RASGEF1A: variants seen among roughly 807,000 people sequenced by gnomAD.
RASGEF1A encodes the protein ras-GEF domain-containing family member 1A.
Under a neutral mutation model 56.4 loss-of-function variants are expected in RASGEF1A, and 18 were observed. The ratio of observed to expected loss-of-function variants is 0.32; its 90% CI spans 0.22 to 0.47. The LOEUF (loss-of-function observed/expected upper bound fraction) is 0.47. Ranked by LOEUF, RASGEF1A falls within the 20% of genes least tolerant of loss-of-function variation. The pLI, the probability that RASGEF1A is intolerant of heterozygous loss-of-function variation, is 1.00. For missense variants in RASGEF1A, 422 were observed against 627.1 expected, an observed-to-expected ratio of 0.67 and a Z score of 3.49; for synonymous variants, 245 against 242.6, an observed-to-expected ratio of 1.01 and a Z score of -0.09.
In RASGEF1A at chr10:43,199,690, T is replaced by C. The variant is rs1839862380; in HGVS notation, c.835A>G (p.Thr279Ala). 1 of 1,613,376 alleles carries C rather than the reference T, an allele frequency of 6.2e-7. No individual in the cohort carries two copies. Among genetic ancestry groups the C allele is most frequent in the African/African-American group, 1.3e-5 (1 of 74,936 alleles). Reference protein sequence around the residue: ...WFNCLSMLVATEVCRVVKKKH... With the variant: ...WFNCLSMLVAAEVCRVVKKKH... ...TGGGCACTTACCCGGCACACCTCAG[T>C]GGCCACCAGCATGCTCAGGCAGTTG... is the stretch of plus-strand genomic sequence containing the variant. Residue 279 changes from threonine (T) to alanine (A), a missense_variant, in exon 7 of 13, where the codon ACT (threonine) becomes GCT (alanine). Coordinates refer to ENST00000395810, the MANE Select transcript of RASGEF1A (RefSeq NM_145313.4).
intron 1 of RASGEF1A, among the ~76,000 whole-genome samples, chr10:43,221,716 C>A (rs1232793129): frequency 6.6e-6 from 1 of 152,226 alleles, no homozygotes; most frequent in Non-Finnish European, 1.5e-5. Context: ...GTCCAAGGGG[C>A]CCGTGCTGCA....
chr10:43,230,137 G>A (rs1157750702), intron 1 of RASGEF1A, among the ~76,000 whole-genome samples: 1 of 152,306 alleles, frequency 6.6e-6, no homozygotes, highest in East Asian at 1.9e-4. Context: ...CCCGGCCCCG[G>A]CCTCACCTGA....
At chr10:43,233,777 C>T (rs1564538580) in intron 1 of RASGEF1A, among the ~76,000 whole-genome samples, 1 of 152,202 alleles carries the variant, frequency 6.6e-6, no homozygotes, top group Non-Finnish European at 1.5e-5. Context: ...TGTGCAGAAA[C>T]ACTAGAGACT....
chr10:43,262,918 G>C (rs2133233132), intron 1 of RASGEF1A, among the ~76,000 whole-genome samples: 1 of 152,366 alleles, frequency 6.6e-6, no homozygotes, highest in Admixed American at 6.5e-5. Context: ...AGAGTGGGGT[G>C]TGCTAGACTG....
chr10:43,210,866 G>GT (rs1238549485), intron 1 of RASGEF1A, among the ~76,000 whole-genome samples: 2 of 150,594 alleles, frequency 1.3e-5, no homozygotes, highest in African/African-American at 2.5e-5. Flanking sequence ...CTTGCAGGGA[G>GT]TGGGGGACAG....
At chr10:43,209,522 G>A (rs865925446) in intron 1 of RASGEF1A, among the ~76,000 whole-genome samples, 1 of 152,192 alleles carries the variant, frequency 6.6e-6, no homozygotes, top group African/African-American at 2.4e-5. Context: ...AAGATCAGAG[G>A]AGCCCCTGTG....
chr10:43,222,480 A>T (rs997217779), intron 1 of RASGEF1A, among the ~76,000 whole-genome samples: 1 of 152,184 alleles, frequency 6.6e-6, no homozygotes, highest in African/African-American at 2.4e-5. Flanking sequence ...AGTCAGTCAC[A>T]CCCACATAAT....
chr10:43,199,536 A>G (rs1419916381), intron 7 of RASGEF1A, 140 bp downstream of exon 7: 4 of 698,274 alleles, frequency 5.7e-6, no homozygotes, highest in Admixed American at 2.1e-5. Context: ...GGGTTGGGGG[A>G]CCACCAAGGC....
At chr10:43,238,887 T>C (rs183362522) in intron 1 of RASGEF1A, among the ~76,000 whole-genome samples, 2 of 152,342 alleles carry the variant, frequency 1.3e-5, no homozygotes, top group African/African-American at 4.8e-5. Flanking sequence ...AACCCACGAA[T>C]ACACAAGTCT....
Position 43,200,819 on chromosome 10 carries a change from T to C in RASGEF1A, c.529A>G (p.Ser177Gly). 1 of 1,613,924 alleles carries C rather than the reference T, an allele frequency of 6.2e-7. No individual in the cohort carries two copies. The change falls in exon 5 of 13, where the codon AGC (serine) becomes GGC (glycine). Residue 177 changes from serine to glycine, a missense_variant. Around this residue, in one of 2 missense-constraint regions of RASGEF1A, gnomAD observed 273 missense variants for 339.9 expected, o/e 0.80. Transcript: ENST00000395810. The part of the protein sequence containing the change: ...QSLLLSLAAR[S>G]QLQELREKLR... ...TTCTCTCGCAGTTCCTGGAGCTGGC[T>C]CCGGGCAGCCAAGGACAGCAACAGG...
chr10:43,254,356 C>G (rs1020127451), intron 1 of RASGEF1A, among the ~76,000 whole-genome samples: 3 of 152,206 alleles, frequency 2.0e-5, no homozygotes, highest in African/African-American at 7.2e-5. Context: ...CCCCTTAGAT[C>G]TGTGTGGTGG....
chr10:43,250,524 G>T (rs925550724), intron 1 of RASGEF1A, among the ~76,000 whole-genome samples: 1 of 152,226 alleles, frequency 6.6e-6, no homozygotes, highest in Admixed American at 6.5e-5. Context: ...CCCCCAGGCC[G>T]AGTGAATCAG....
chr10:43,221,341 A>ATCAG (rs1840204662), intron 1 of RASGEF1A, among the ~76,000 whole-genome samples: 1 of 152,186 alleles, frequency 6.6e-6, no homozygotes, highest in Admixed American at 6.5e-5. Context: ...ACCTCCCCAC[A>ATCAG]TCAGTTAGTG....
chr10:43,216,518 C>A (rs1840139325), intron 1 of RASGEF1A, among the ~76,000 whole-genome samples: 1 of 152,164 alleles, frequency 6.6e-6, no homozygotes, highest in Admixed American at 6.5e-5. Flanking sequence ...TTACAAGATT[C>A]CCCATGCAAA....
intron 1 of RASGEF1A, among the ~76,000 whole-genome samples, chr10:43,248,171 C>T (rs1397055668): frequency 2.7e-5 from 4 of 150,700 alleles, no homozygotes; most frequent in African/African-American, 4.9e-5. Flanking sequence ...GCCTGACAAA[C>T]ATGGTGAAAC....
At chr10:43,223,201 C>G (rs181489689) in intron 1 of RASGEF1A, among the ~76,000 whole-genome samples, 12 of 152,236 alleles carry the variant, frequency 7.9e-5, no homozygotes, top group Non-Finnish European at 1.5e-5. Context: ...TGTCTAGAAA[C>G]AGAAAGGCAC....
At position 43,235,666 on chromosome 10, in the gene RASGEF1A, C is replaced by T. The variant is rs576686563; in HGVS notation, c.-6-29544G>A. On this transcript the variant is annotated intron_variant, in intron 1 of 12. Coordinates refer to ENST00000395810, the MANE Select transcript of RASGEF1A (RefSeq NM_145313.4). ...CAGGGAGGCGGCACCAGTTAAAACT[C>T]GGCTTGGGATGCAGGGCCTCTGGTC... is the stretch of plus-strand genomic sequence containing the variant. Among the ~76,000 whole-genome samples the T allele has an allele frequency of 1.4e-4, 22 of 152,320 alleles. No individual in the cohort carries two copies. In the South Asian group the frequency reaches 1.9e-3, roughly 13 times the overall value.
chr10:43,241,078 C>T (rs2133217941), intron 1 of RASGEF1A, among the ~76,000 whole-genome samples: 1 of 152,240 alleles, frequency 6.6e-6, no homozygotes, highest in South Asian at 2.1e-4. Flanking sequence ...TAAAGAGAGT[C>T]CTTCAGGCTG....
intron 2 of RASGEF1A, chr10:43,203,633 C>T: frequency 1.1e-5 from 13 of 1,206,720 alleles, no homozygotes; most frequent in Non-Finnish European, 1.1e-5. Context: ...GGCTCGAGCC[C>T]CGCCTCCCAG....
Sources: allele counts gnomAD v4.1 joint callset (sites outside exome capture counted in the v4.1 genomes callset), GRCh38; gene constraint gnomAD v4.1.1; regional missense constraint gnomAD v4.1.1; transcripts MANE v1.5; gene names NCBI Gene and HGNC (gene_info 2026-07-23, HGNC 2026-07-21).